CELA3B: variants seen among roughly 807,000 people sequenced by gnomAD.
CELA3B encodes the protein chymotrypsin-like elastase family member 3B.
In CELA3B, 34 loss-of-function variants were observed where a neutral mutation model predicts 37.2. The observed-to-expected ratio is 0.91, with a 90% confidence interval of 0.70 to 1.22. The LOEUF (loss-of-function observed/expected upper bound fraction) is 1.22. CELA3B is among the 50% of genes most tolerant of loss of function. The pLI, the probability that CELA3B is intolerant of heterozygous loss-of-function variation, is 0.00. For synonymous variants in CELA3B, 127 were observed against 143.5 expected (o/e 0.89, Z 0.82); for missense variants, 340 against 363.1 (o/e 0.94, Z 0.52).
At chr1:21,990,879 G>A (rs1486664993), downstream of CELA3B, among the ~76,000 whole-genome samples, 22 of 61,680 alleles carry the variant, frequency 3.6e-4, no homozygotes, top group African/African-American at 8.5e-4. Flanking sequence ...CCTGGGCACA[G>A]AGCAAGACTC....
chr1:21,991,820 G>A (rs1447068176), downstream of CELA3B, among the ~76,000 whole-genome samples: 1 of 150,944 alleles, frequency 6.6e-6, no homozygotes, highest in Admixed American at 6.6e-5. Flanking sequence ...TATTCAACAG[G>A]TTATAGAAGG....
At chr1:21,978,302 G>A in intron 1 of CELA3B, 67 bp from the exon 2 acceptor site, 1 of 1,582,844 alleles carries the variant, frequency 6.3e-7, no homozygotes, top group Non-Finnish European at 8.7e-7. Flanking sequence ...GCTTGGACTG[G>A]GACCCTGGCC....
rs866395563 is a variant in CELA3B at position 21,986,866 on chromosome 1, T to C, written c.795+183T>C. 1.2e-5 allele frequency: 8 copies of C among 683,946 alleles called. 1 individual carries two copies. The East Asian group carries it at 1.9e-4, about 16-fold the overall frequency. The allele number at this position is 683,946 out of a possible 1,614,324, so 42.4% of individuals were successfully genotyped here. A position where few individuals can be genotyped will look rare whatever the true frequency, so the allele number is the denominator to read the frequency against. ...TCTGATACAGTGTGACCCCAGGAAC[T>C]TGATGGCTTCTGGGTGGTGCTTGGA... is the stretch of plus-strand genomic sequence containing the variant. On this transcript the variant is annotated intron_variant, in intron 7 of 7. Transcript: ENST00000337107.
Position 21,984,243 on chromosome 1 carries a change from A to G in CELA3B, c.554A>G (p.Tyr185Cys), listed in dbSNP as rs753504868. The G allele has an allele frequency of 1.2e-6, 2 of 1,614,168 alleles. No individual in the cohort carries two copies. Among genetic ancestry groups the G allele is most frequent in the Admixed American group, 1.7e-5 (1 of 60,016 alleles). Reference sequence around the variant, plus strand: ...GAGGCCCTGCTGCCGGTGGTGGACTATGAACACTGCTCCAGGTGGAACTGG... The same window carrying G: ...GAGGCCCTGCTGCCGGTGGTGGACTGTGAACACTGCTCCAGGTGGAACTGG... ...LQEALLPVVD[Y>C]EHCSRWNWWG... The change falls in exon 6 of 8, where the codon TAT becomes TGT. Residue 185 changes from tyrosine to cysteine, a missense_variant. Physicochemically the swap from Tyr to Cys is radical, Grantham distance 194. Transcript: ENST00000337107.
intron 4 of CELA3B, among the ~76,000 whole-genome samples, chr1:21,994,494 A>G (rs1644881347): frequency 6.6e-6 from 1 of 150,530 alleles, no homozygotes. Context: ...CCAATTCCCC[A>G]GATTAAATTC....
chr1:21,977,742 T>G (rs1165576223), intron 1 of CELA3B, among the ~76,000 whole-genome samples: 3 of 151,862 alleles, frequency 2.0e-5, no homozygotes, highest in African/African-American at 7.3e-5. Context: ...TGCTTTTTTT[T>G]TTGTTGAGAT....
At chr1:21,989,691 C>T (rs1473825274), downstream of CELA3B, among the ~76,000 whole-genome samples, 9 of 151,012 alleles carry the variant, frequency 6.0e-5, no homozygotes, top group Non-Finnish European at 5.9e-5. Context: ...TAAACAGACC[C>T]TGCCAGCCCC....
At chr1:21,982,649 G>A (rs1186489187) in intron 4 of CELA3B, among the ~76,000 whole-genome samples, 1 of 152,002 alleles carries the variant, frequency 6.6e-6, no homozygotes, top group Non-Finnish European at 1.5e-5. Flanking sequence ...ATCAGAAATT[G>A]GGGTGGGATG....
Position 21,981,168 on chromosome 1 carries a change from T to C in CELA3B, c.358T>C (p.Cys120Arg), listed in dbSNP as rs1353725483. 1 of 1,611,768 alleles carries C rather than the reference T, an allele frequency of 6.2e-7. No individual in the cohort carries two copies. The highest frequency in any genetic ancestry group is 8.5e-7 in the Non-Finnish European group (1 of 1,179,880). ...ACTCTGGAACCGCTCGTGTGTGGCCTGTGGGTGAGTGAATGCTCCGGTCTG... is the reference window on the plus strand; with the variant it reads ...ACTCTGGAACCGCTCGTGTGTGGCCCGTGGGTGAGTGAATGCTCCGGTCTG... ...HPLWNRSCVA[C>R]GNDIALIKLS... Residue 120 changes from cysteine (C) to arginine (R), a missense_variant, in exon 4 of 8, where the codon TGT becomes CGT. Transcript: ENST00000337107.
intron 4 of CELA3B, among the ~76,000 whole-genome samples, chr1:21,994,984 A>T (rs1644884276): frequency 1.5e-5 from 2 of 130,098 alleles, no homozygotes; most frequent in South Asian, 5.4e-4. Flanking sequence ...CCTGGGCGAC[A>T]GAGTGAGACT....
At position 21,984,322 on chromosome 1, in the gene CELA3B, C is replaced by T. The variant is rs569851837; in HGVS notation, c.633C>T (p.Ser211=). The change falls in exon 6 of 8, where the codon TCC becomes TCT. Residue 211 remains serine, a synonymous_variant. Transcript: ENST00000337107. ...TMVCAGGDIR[S]GCNGDSGGPL... is the part of the protein sequence containing the mutation. ...TGTGTGCTGGAGGGGACATCCGCTC[C>T]GGCTGCAATGTGAGTCAGCTCTTAC... 22 of 1,613,194 alleles carry T rather than the reference C, an allele frequency of 1.4e-5. No individual in the cohort carries two copies. Among genetic ancestry groups the T allele is most frequent in the Middle Eastern group, 1.7e-4 (1 of 5,894 alleles).
chr1:21,986,204 A>G (rs1245108606), intron 6 of CELA3B, among the ~76,000 whole-genome samples: 2 of 151,292 alleles, frequency 1.3e-5, no homozygotes, highest in East Asian at 3.9e-4. Flanking sequence ...TCCCATCTCT[A>G]TTAAATATAC....
chr1:21,985,832 C>A (rs7544164), intron 6 of CELA3B, among the ~76,000 whole-genome samples: 137,842 of 151,822 alleles, frequency 0.91, 62,816 homozygotes, highest in Middle Eastern at 0.96. Context: ...CGGAGCTTGC[C>A]GTGAGCCGAG....
chr1:21,995,000 C>CAAAAA (rs61509449), intron 4 of CELA3B, among the ~76,000 whole-genome samples: 3 of 54,014 alleles, frequency 5.6e-5, no homozygotes, highest in East Asian at 6.0e-4. Context: ...AGACTTGTCT[C>CAAAAA]AAAAAAAAAA....
rs770209220 is a variant in CELA3B at position 21,981,154 on chromosome 1, G to A, written c.344G>A (p.Arg115His). ...CTCTTTGTGCATCCACTCTGGAACC[G>A]CTCGTGTGTGGCCTGTGGGTGAGTG... ...GDLFVHPLWN[R>H]SCVACGNDIA... is the part of the protein sequence containing the mutation. The change falls in exon 4 of 8, where the codon CGC (arginine) becomes CAC (histidine). Residue 115 changes from arginine to histidine, a missense_variant. Transcript: ENST00000337107. The A allele has an allele frequency of 2.5e-6, 4 of 1,612,052 alleles. No individual in the cohort carries two copies. Among genetic ancestry groups the A allele is most frequent in the South Asian group, 1.1e-5 (1 of 90,982 alleles).
intron 7 of CELA3B, chr1:21,987,055 A>T (rs1443418635): frequency 5.4e-6 from 2 of 371,408 alleles, no homozygotes; most frequent in South Asian, 2.2e-5. Context: ...GAGAGCCGAG[A>T]GAGGGGAGTC....
chr1:21,977,209 C>A (rs4415533), intron 1 of CELA3B, 127 bp downstream of exon 1: 504,622 of 1,402,798 alleles, frequency 0.36, 94,611 homozygotes, highest in East Asian at 0.57. Context: ...TCAGCTTGTA[C>A]CCGGGGGCAT....
In CELA3B at chr1:21,978,435, C is replaced by T; in HGVS notation, c.110C>T (p.Pro37Leu). The T allele has an allele frequency of 6.2e-7, 1 of 1,614,100 alleles. No individual in the cohort carries two copies. The highest frequency in any genetic ancestry group is 8.5e-7 in the Non-Finnish European group (1 of 1,179,948). The change falls in exon 2 of 8, where the codon CCC becomes CTC. Residue 37 changes from proline (P) to leucine (L), a missense_variant. By Grantham distance (98) the Pro-to-Leu change is moderately conservative. Transcript: ENST00000337107. ...GTTGTCAATGGTGAGGATGCGGTCC[C>T]CTACAGCTGGCCCTGGCAGGTAAGA... ...SRVVNGEDAV[P>L]YSWPWQVSLQ...
downstream of CELA3B, among the ~76,000 whole-genome samples, chr1:21,991,786 C>G (rs1441793634): frequency 6.6e-6 from 1 of 151,180 alleles, no homozygotes; most frequent in Admixed American, 6.6e-5. Context: ...AAGCTTGAAG[C>G]TGAAAGAGTT....
Sources: gnomAD v4.1 joint callset for allele counts (sites outside exome capture counted in the v4.1 genomes callset) on GRCh38, gnomAD v4.1.1 for gene constraint, MANE v1.5 for transcripts, NCBI Gene and HGNC (gene_info 2026-07-23, HGNC 2026-07-21) for gene names.